The following CENPN variants were observed in gnomAD, a reference collection of about 807,000 sequenced individuals.
The protein encoded by CENPN is interphase centromere complex protein 32.
CENPN carries 36 observed loss-of-function variants against 48.6 expected under a neutral mutation model. That is an observed-to-expected ratio of 0.74 (90% CI 0.57 to 0.98). The LOEUF is 0.98. Among genes scored for constraint, CENPN ranks in the 50% least tolerant of loss-of-function variants. CENPN has a pLI of 0.00. For missense variants in CENPN, 439 were observed against 399.2 expected (o/e 1.10, Z -0.85); for synonymous variants, 166 against 135.2 (o/e 1.23, Z -1.58).
At chr16:81,015,297 G>A (rs1304582323) in intron 3 of CENPN, among the ~76,000 whole-genome samples, 1 of 152,170 alleles carries the variant, frequency 6.6e-6, no homozygotes, top group Non-Finnish European at 1.5e-5. Context: ...CCTGGGGCCA[G>A]ACCTCTTGGG....
chr16:81,020,488 G>C (rs746393119), intron 6 of CENPN: 15 of 419,416 alleles, frequency 3.6e-5, no homozygotes, highest in Non-Finnish European at 5.0e-5. Flanking sequence ...ACAAGACAAA[G>C]CAACACCCCA....
chr16:81,027,980 C>T (rs1318762048), intron 9 of CENPN, among the ~76,000 whole-genome samples, 191 bp from the exon 10 acceptor site: 1 of 152,214 alleles, frequency 6.6e-6, no homozygotes, highest in Non-Finnish European at 1.5e-5. Flanking sequence ...GCTGAGATTA[C>T]AGGCATGAGC....
At chr16:81,027,163 G>C (rs560957211) in intron 9 of CENPN, among the ~76,000 whole-genome samples, 7 of 152,044 alleles carry the variant, frequency 4.6e-5, no homozygotes. Context: ...CCTTACTTTT[G>C]TATATGTTTA....
In CENPN at chr16:81,012,004, C is replaced by A. The variant is rs780640775; in HGVS notation, c.65C>A (p.Thr22Lys). ...TILKIPMNEL[T>K]TILKAWDFLS... ...TTGAAAATCCCCATGAATGAACTGACAACAATCCTGAAGGCCTGGGATTTT... is the reference window on the plus strand; with the variant it reads ...TTGAAAATCCCCATGAATGAACTGAAAACAATCCTGAAGGCCTGGGATTTT... The change falls in exon 2 of 11, where the codon ACA (threonine) becomes AAA (lysine). Residue 22 changes from threonine to lysine, a missense_variant. Physicochemically the swap from Thr to Lys is moderately conservative, Grantham distance 78. Coordinates refer to ENST00000305850, the MANE Select transcript of CENPN (RefSeq NM_001100624.3). 6 of 1,613,946 alleles carry A rather than the reference C, an allele frequency of 3.7e-6. No homozygotes were observed. Among genetic ancestry groups the A allele is most frequent in the South Asian group, 1.1e-5 (1 of 91,092 alleles).
At chr16:81,009,627 T>C (rs890835892) in intron 1 of CENPN, among the ~76,000 whole-genome samples, 1 of 152,362 alleles carries the variant, frequency 6.6e-6, no homozygotes, top group East Asian at 1.9e-4. Context: ...CTCTTTATCT[T>C]TGTCTTACTA....
At chr16:81,011,678 G>A (rs978796667) in intron 1 of CENPN, among the ~76,000 whole-genome samples, 1 of 152,192 alleles carries the variant, frequency 6.6e-6, no homozygotes, top group African/African-American at 2.4e-5. Context: ...ACATTTAGGT[G>A]TTGGACCTAC....
intron 2 of CENPN, 60 bp downstream of exon 2, chr16:81,012,170 C>T: frequency 1.4e-6 from 2 of 1,440,088 alleles, no homozygotes; most frequent in Non-Finnish European, 1.9e-6. Context: ...GTTTTTCTTT[C>T]TTCTATTCCT....
chr16:81,032,633 AC>A, downstream of CENPN: 1 of 1,613,546 alleles, frequency 6.2e-7, no homozygotes, highest in African/African-American at 1.3e-5. Flanking sequence ...GGGACCCAGG[AC>A]CCGAGCAGCT....
intron 6 of CENPN, chr16:81,022,241 C>A: frequency 4.1e-6 from 1 of 246,804 alleles, no homozygotes; most frequent in South Asian, 4.9e-5. Context: ...TACATATCTG[C>A]GTTTTTGTAT....
rs183042851 is a variant in CENPN at position 81,012,017 on chromosome 16, G to T, written c.78G>T (p.Lys26Asn). The T allele has an allele frequency of 6.2e-7, 1 of 1,614,132 alleles. No homozygotes were observed. Among genetic ancestry groups the T allele is most frequent in the East Asian group, 2.2e-5 (1 of 44,880 alleles). Residue 26 changes from lysine to asparagine, a missense_variant, in exon 2 of 11, where the codon AAG becomes AAT. By Grantham distance (94) the Lys-to-Asn change is moderately conservative. Transcript: ENST00000305850. ...IPMNELTTIL[K>N]AWDFLSENQL... ...TGAATGAACTGACAACAATCCTGAAGGCCTGGGATTTTTTGTCTGAAAATC... is the reference window on the plus strand; with the variant it reads ...TGAATGAACTGACAACAATCCTGAATGCCTGGGATTTTTTGTCTGAAAATC...
chr16:81,026,478 T>G lies in CENPN; in HGVS notation c.698-48T>G, dbSNP rs373685481. Reference sequence around the variant, plus strand: ...GAATGAAAGGAGGATAATTTAAGGATGAAATATATTCCTAACGGCTGTTTT... The same window carrying G: ...GAATGAAAGGAGGATAATTTAAGGAGGAAATATATTCCTAACGGCTGTTTT... On this transcript the variant is annotated intron_variant, in intron 8 of 10. Transcript: ENST00000305850. 4.6e-6 allele frequency: 4 copies of G among 872,444 alleles called. No individual in the cohort carries two copies. In the East Asian group the frequency reaches 1.0e-4, roughly 22 times the overall value. 54.0% of individuals were successfully genotyped at this position (872,444 alleles called of 1,614,324 possible).
Position 81,028,872 on chromosome 16 carries a change from A to G in CENPN, c.*221A>G. The stretch of plus-strand genomic sequence containing the variant: ...CTAACTGTAGCCGTTGTGGCATTTG[A>G]GATGACAGGACATATATATATATGG... On this transcript the variant is annotated 3_prime_UTR_variant, in exon 11 of 11. Transcript: ENST00000305850. 1 of 1,303,116 alleles carries G rather than the reference A, an allele frequency of 7.7e-7. No homozygotes were observed. The highest frequency in any genetic ancestry group is 9.7e-7 in the Non-Finnish European group (1 of 1,027,644). 80.7% of individuals were successfully genotyped at this position (1,303,116 alleles called of 1,614,324 possible).
chr16:81,009,596 C>G (rs914381395), intron 1 of CENPN, among the ~76,000 whole-genome samples: 1 of 152,224 alleles, frequency 6.6e-6, no homozygotes, highest in Non-Finnish European at 1.5e-5. Flanking sequence ...TTTTCTATTT[C>G]TAAATGACTC....
rs1970659966 is a variant in CENPN, at chr16:81,029,330, A to C, written c.*679A>C. ...AAAACTGGCACATCAGTTAATTTTGATCAAAGTACTTCAGTGATCATCACT... is the reference window on the plus strand; with the variant it reads ...AAAACTGGCACATCAGTTAATTTTGCTCAAAGTACTTCAGTGATCATCACT... On this transcript the variant is annotated 3_prime_UTR_variant, in exon 11 of 11. Transcript: ENST00000305850. 1.1e-6 allele frequency: 1 copy of C among 946,512 alleles called. No homozygotes were observed. The highest frequency in any genetic ancestry group is 1.3e-6 in the Non-Finnish European group (1 of 794,736). 58.6% of individuals were successfully genotyped at this position (946,512 alleles called of 1,614,324 possible). A position where few individuals can be genotyped will look rare whatever the true frequency, so the allele number is the denominator to read the frequency against.
chr16:81,022,420 C>G (rs1377067609), intron 6 of CENPN, 177 bp from the exon 7 acceptor site: 3 of 588,894 alleles, frequency 5.1e-6, no homozygotes, highest in East Asian at 5.7e-5. Flanking sequence ...AGTATTAATG[C>G]CATTAACCAC....
rs1400927789 is a variant in CENPN at position 81,026,067 on chromosome 16, ATATG to A, written c.698-457_698-454del. Among the ~76,000 whole-genome samples the A allele has an allele frequency of 1.2e-3, 169 of 135,860 alleles. 2 individuals are homozygous for A. Among genetic ancestry groups the A allele is most frequent in the African/African-American group, 4.4e-3 (160 of 36,712 alleles). 89.1% of individuals were successfully genotyped at this position (135,860 alleles called of 152,430 possible). A position where few individuals can be genotyped will look rare whatever the true frequency, so the allele number is the denominator to read the frequency against. ...GTGCCATGGAGATATATATATATAT[ATATG>A]TGTGTGTGTGTGTGTGTGTATATAT... On this transcript the variant is annotated intron_variant, in intron 8 of 10. Coordinates refer to ENST00000305850, the MANE Select transcript of CENPN (RefSeq NM_001100624.3).
chr16:81,024,591 T>G, intron 7 of CENPN, 124 bp from the exon 8 acceptor site: 1 of 541,698 alleles, frequency 1.8e-6, no homozygotes, highest in Non-Finnish European at 3.0e-6. Context: ...AGCCAGGATA[T>G]GGCTTTGGAT....
chr16:81,024,027 G>A (rs1157479759), intron 7 of CENPN: 1 of 152,316 alleles, frequency 6.6e-6, no homozygotes, highest in African/African-American at 2.4e-5. Context: ...CTTGCAGTGA[G>A]TGGAGATAGT....
At position 81,017,772 on chromosome 16, in the gene CENPN, C is replaced by T. The variant is rs775268992; in HGVS notation, c.292C>T (p.Leu98Phe). The change falls in exon 5 of 11, where the codon CTT becomes TTT. Residue 98 changes from leucine to phenylalanine, a missense_variant. Coordinates refer to ENST00000305850, the MANE Select transcript of CENPN (RefSeq NM_001100624.3). ...CACTTTGGCAGGTGAAGATGTTGAC[C>T]TTTTTGATATGAAACAATTTAAAAA... ...MSKGPGEDVDLFDMKQFKNSF... is the reference protein window; with the variant it reads ...MSKGPGEDVDFFDMKQFKNSF... 1 of 1,587,550 alleles carries T rather than the reference C, an allele frequency of 6.3e-7. No individual in the cohort carries two copies. The highest frequency in any genetic ancestry group is 8.6e-7 in the Non-Finnish European group (1 of 1,169,564).
Sources: gnomAD v4.1 joint callset for allele counts (sites outside exome capture counted in the v4.1 genomes callset) on GRCh38, gnomAD v4.1.1 for gene constraint, MANE v1.5 for transcripts, NCBI Gene and HGNC (gene_info 2026-07-23, HGNC 2026-07-21) for gene names.